The following ZNF790 variants were observed in gnomAD, a reference collection of about 807,000 sequenced individuals.
The protein encoded by ZNF790 is zinc finger protein 790.
ZNF790 carries 8 observed loss-of-function variants against 12.1 expected under a neutral mutation model. That is an observed-to-expected ratio of 0.66 (90% CI 0.39 to 1.19). The LOEUF (loss-of-function observed/expected upper bound fraction) is 1.19. ZNF790 is among the 50% of genes most tolerant of loss of function. ZNF790 has a pLI of 0.01. For missense variants in ZNF790, 707 were observed against 752.2 expected, an observed-to-expected ratio of 0.94 and a Z score of 0.70; for synonymous variants, 252 against 244.3, an observed-to-expected ratio of 1.03 and a Z score of -0.29.
Position 36,819,497 on chromosome 19 carries a change from C to T in ZNF790, c.847G>A (p.Glu283Lys), listed in dbSNP as rs758555110. 6 of 1,611,814 alleles carry T rather than the reference C, an allele frequency of 3.7e-6. No homozygotes were observed. The highest frequency in any genetic ancestry group is 5.1e-6 in the Non-Finnish European group (6 of 1,178,766). The change falls in exon 5 of 5, where the codon GAA becomes AAA. Residue 283 changes from glutamate to lysine, a missense_variant. Coordinates refer to ENST00000356725, the MANE Select transcript of ZNF790 (RefSeq NM_206894.4). The stretch of plus-strand genomic sequence containing the variant: ...AAGGCCTTCCCACATTCCTTACATT[C>T]ATAAGATTTCTCACCAGTATGAATT... ...KRIHTGEKSY[E>K]CKECGKAFSC...
intron 1 of ZNF790, among the ~76,000 whole-genome samples, chr19:36,848,167 C>T (rs2072197204): frequency 6.6e-6 from 1 of 152,214 alleles, no homozygotes; most frequent in Non-Finnish European, 1.5e-5. Context: ...TTAACCAACC[C>T]CTTTCAACCA....
At chr19:36,823,992 CTTTTT>C (rs779735213) in intron 2 of ZNF790, among the ~76,000 whole-genome samples, 3 of 104,374 alleles carry the variant, frequency 2.9e-5, no homozygotes, top group Non-Finnish European at 5.4e-5. Flanking sequence ...TCTACATGCT[CTTTTT>C]TTTTTTTTTT....
chr19:36,825,790 C>A, intron 1 of ZNF790, 98 bp from the exon 2 acceptor site: 1 of 714,030 alleles, frequency 1.4e-6, no homozygotes. Context: ...TCAGAAGGAA[C>A]CTGAAGAAAT....
chr19:36,836,161 G>T (rs2072040651), intron 1 of ZNF790, among the ~76,000 whole-genome samples: 1 of 151,950 alleles, frequency 6.6e-6, no homozygotes, highest in Non-Finnish European at 1.5e-5. Flanking sequence ...CCTTGAATTG[G>T]CTTAGGTAAG....
At chr19:36,825,491 G>C in intron 2 of ZNF790, 120 bp downstream of exon 2, 1 of 1,077,956 alleles carries the variant, frequency 9.3e-7, no homozygotes, top group Non-Finnish European at 1.4e-6. Context: ...CTGTTTCACA[G>C]TCATTACTTA....
Position 36,819,618 on chromosome 19 carries a change from A to G in ZNF790, c.726T>C (p.Thr242=), listed in dbSNP as rs932917280. ...CACCGGTATGAATTCTCTTATGACC[A>G]GTAAGACTCGAACGTAAACTAAAAG... ...GKSFSLRSSL[T]GHKRIHTGEK... is the part of the protein sequence containing the mutation. Residue 242 remains threonine, a synonymous_variant, in exon 5 of 5, where the codon ACT becomes ACC. Coordinates refer to ENST00000356725, the MANE Select transcript of ZNF790 (RefSeq NM_206894.4). The G allele has an allele frequency of 6.2e-7, 1 of 1,607,298 alleles. No individual in the cohort carries two copies. Among genetic ancestry groups the G allele is most frequent in the Non-Finnish European group, 8.5e-7 (1 of 1,176,444 alleles).
At chr19:36,822,334 A>G (rs1400970725) in intron 4 of ZNF790, among the ~76,000 whole-genome samples, 2 of 152,174 alleles carry the variant, frequency 1.3e-5, no homozygotes, top group African/African-American at 4.8e-5. Context: ...AAAAAGGGAG[A>G]TGAGAAGGAA....
At chr19:36,850,510 G>A (rs578114196), upstream of ZNF790, 2 of 152,406 alleles carry the variant, frequency 1.3e-5, no homozygotes, top group Admixed American at 6.5e-5. Context: ...AAATTACTAA[G>A]AGGAAGTTAA....
chr19:36,824,290 C>G (rs1026560529), intron 2 of ZNF790, among the ~76,000 whole-genome samples: 3 of 151,724 alleles, frequency 2.0e-5, no homozygotes, highest in Non-Finnish European at 2.9e-5. Context: ...AGCCACGACA[C>G]CCAGCCTACA....
Position 36,823,324 on chromosome 19 carries a change from AG to A in ZNF790, c.189del (p.Trp64GlyfsTer4). The A allele has an allele frequency of 6.2e-7, 1 of 1,613,980 alleles. No homozygotes were observed. The highest frequency in any genetic ancestry group is 1.7e-4 in the Middle Eastern group (1 of 6,058). The stretch of plus-strand genomic sequence containing the variant: ...CTTGTCTCATCCCTCAAAATCTTCC[AG>A]GGCTCTTTCCCTTTCTCCAATAAAG... ...AFSLLEKGKE[P>X]WKILRDETRG... On this transcript the variant is annotated frameshift_variant, in exon 4 of 5. Coordinates refer to ENST00000356725, the MANE Select transcript of ZNF790 (RefSeq NM_206894.4). LOFTEE classifies it low-confidence loss of function (END_TRUNC).
chr19:36,819,965 A>G lies in ZNF790; in HGVS notation c.379T>C (p.Phe127Leu). ...TCTTGATTATCTTGAAGTGTTTGAA[A>G]CTGAGTGTTGCCTTCCCAGTCACCT... ...FRGDWEGNTQ[F>L]QTLQDNQEEC... is the part of the protein sequence containing the mutation. Residue 127 changes from phenylalanine to leucine, a missense_variant, in exon 5 of 5, where the codon TTT (phenylalanine) becomes CTT (leucine). Transcript: ENST00000356725. The G allele has an allele frequency of 6.2e-7, 1 of 1,614,128 alleles. No individual in the cohort carries two copies. Among genetic ancestry groups the G allele is most frequent in the Non-Finnish European group, 8.5e-7 (1 of 1,180,018 alleles).
At position 36,819,916 on chromosome 19, in the gene ZNF790, C is replaced by G; in HGVS notation, c.428G>C (p.Arg143Pro). 3 of 1,614,048 alleles carry G rather than the reference C, an allele frequency of 1.9e-6. No individual in the cohort carries two copies. The highest frequency in any genetic ancestry group is 2.5e-6 in the Non-Finnish European group (3 of 1,179,984). Residue 143 changes from arginine to proline, a missense_variant, in exon 5 of 5, where the codon CGC becomes CCC. Arg to Pro is a moderately radical substitution (Grantham distance 103, BLOSUM62 -2). Transcript: ENST00000356725. ...NQEECFKQVI[R>P]TCEKRPTFNQ... Reference sequence around the variant, plus strand: ...AAAAGTGGGCCTTTTTTCACAGGTGCGTATCACCTGCTTGAAGCATTCCTC... The same window carrying G: ...AAAAGTGGGCCTTTTTTCACAGGTGGGTATCACCTGCTTGAAGCATTCCTC...
chr19:36,822,308 C>T (rs2071691531), intron 4 of ZNF790, among the ~76,000 whole-genome samples: 1 of 151,168 alleles, frequency 6.6e-6, no homozygotes. Context: ...AAGAATTTTA[C>T]GAAAATTAAA....
At position 36,838,360 on chromosome 19, in the gene ZNF790, T is replaced by G. The variant is rs960121966; in HGVS notation, c.-97A>C. The G allele has an allele frequency of 1.3e-5, 2 of 152,290 alleles. No individual in the cohort carries two copies. The highest frequency in any genetic ancestry group is 4.8e-5 in the African/African-American group (2 of 41,458). 9.4% of individuals were successfully genotyped at this position (152,290 alleles called of 1,614,324 possible). ...ACCCGGCCCTGCGGTCCCTTGATGG[T>G]GGAAGGTTCCGCGATCTTTCTATTA... On this transcript the variant is annotated 5_prime_UTR_variant, in exon 1 of 5. Coordinates refer to ENST00000356725, the MANE Select transcript of ZNF790 (RefSeq NM_206894.4). This position sits in a 1 kb window ranked among gnomAD's most constrained non-coding sequence, Gnocchi z 4.4.
intron 1 of ZNF790, among the ~76,000 whole-genome samples, chr19:36,833,551 G>A (rs1224030750): frequency 6.6e-6 from 1 of 152,190 alleles, no homozygotes; most frequent in Non-Finnish European, 1.5e-5. Context: ...CAAGGTGTCA[G>A]TTTCCCCAAT....
upstream of ZNF790, among the ~76,000 whole-genome samples, chr19:36,841,853 TG>T (rs1327802608): frequency 5.2e-5 from 4 of 76,888 alleles, no homozygotes; most frequent in African/African-American, 2.1e-4. Flanking sequence ...CATCTCGGGG[TG>T]GGGGGTGGGG....
chr19:36,833,052 AAGT>A (rs1351866834), intron 1 of ZNF790, among the ~76,000 whole-genome samples: 4 of 152,216 alleles, frequency 2.6e-5, no homozygotes, highest in African/African-American at 7.2e-5. Flanking sequence ...TACAAGCAAA[AAGT>A]AGGAAATTTA....
chr19:36,834,690 A>C (rs898549045), intron 1 of ZNF790, among the ~76,000 whole-genome samples: 3 of 152,174 alleles, frequency 2.0e-5, no homozygotes, highest in Non-Finnish European at 4.4e-5. Flanking sequence ...TTACTCACCA[A>C]TTCCTCTCCT....
rs755447197 is a variant in ZNF790 at position 36,819,488 on chromosome 19, C to G, written c.856G>C (p.Glu286Gln). Residue 286 changes from glutamate (E) to glutamine (Q), a missense_variant, in exon 5 of 5, where the codon GAA becomes CAA. Transcript: ENST00000356725. ...CCACAACTAAAGGCCTTCCCACATT[C>G]CTTACATTCATAAGATTTCTCACCA... ...HTGEKSYECKECGKAFSCGSD... is the reference protein window; with the variant it reads ...HTGEKSYECKQCGKAFSCGSD... 2.5e-6 allele frequency: 4 copies of G among 1,611,626 alleles called. No homozygotes were observed. In the Admixed American group the frequency reaches 6.7e-5, roughly 27 times the overall value.
Sources: allele counts gnomAD v4.1 joint callset (sites outside exome capture counted in the v4.1 genomes callset), GRCh38; gene constraint gnomAD v4.1.1; non-coding constraint Gnocchi (gnomAD v3.1); transcripts MANE v1.5; gene names NCBI Gene and HGNC (gene_info 2026-07-23, HGNC 2026-07-21).